RERE: variants seen among roughly 807,000 people sequenced by gnomAD.
RERE encodes arginine-glutamic acid dipeptide repeats.
In RERE, 40 loss-of-function variants were observed where a neutral mutation model predicts 146.1. The observed-to-expected ratio is 0.27, with a 90% confidence interval of 0.21 to 0.36. RERE has a LOEUF of 0.36. Ranked by LOEUF, RERE falls within the 10% of genes least tolerant of loss-of-function variation. The pLI is 1.00. For missense variants in RERE, 1,933 were observed against 2,138.7 expected, an observed-to-expected ratio of 0.90 and a Z score of 1.90; for synonymous variants, 1,003 against 866.0, an observed-to-expected ratio of 1.16 and a Z score of -2.78.
At chr1:8,412,449 G>C (rs1643640814) in intron 12 of RERE, among the ~76,000 whole-genome samples, 1 of 152,128 alleles carries the variant, frequency 6.6e-6, no homozygotes, top group African/African-American at 2.4e-5. Context: ...CAGAGATCTG[G>C]CACCACTAAA....
intron 1 of RERE, among the ~76,000 whole-genome samples, chr1:8,698,906 T>G (rs1639391241): frequency 6.6e-6 from 1 of 152,140 alleles, no homozygotes; most frequent in African/African-American, 2.4e-5. Flanking sequence ...TACTCTAAAA[T>G]TAAATGTTTT....
At chr1:8,600,275 A>C (rs1646605842) in intron 4 of RERE, among the ~76,000 whole-genome samples, 1 of 152,206 alleles carries the variant, frequency 6.6e-6, no homozygotes, top group Non-Finnish European at 1.5e-5. Context: ...CGTATGTCTT[A>C]ATTAGTGGCC....
intron 1 of RERE, among the ~76,000 whole-genome samples, chr1:8,739,844 TATTA>T (rs575310959): frequency 5.5e-4 from 83 of 149,676 alleles, no homozygotes; most frequent in South Asian, 1.5e-3. Context: ...AATACTGATA[TATTA>T]ATTAATTATA....
chr1:8,497,567 G>A (rs1645062006), intron 8 of RERE, 38 bp from the exon 9 acceptor site: 1 of 1,610,084 alleles, frequency 6.2e-7, no homozygotes, highest in Non-Finnish European at 8.5e-7. Context: ...ATCAAGGCAT[G>A]TATTAATTAT....
At chr1:8,653,445 C>T (rs905207830) in intron 2 of RERE, among the ~76,000 whole-genome samples, 2 of 152,112 alleles carry the variant, frequency 1.3e-5, no homozygotes, top group Admixed American at 1.3e-4. Context: ...CGATGGCTCA[C>T]GCCTGTAATC....
intron 7 of RERE, chr1:8,512,591 G>T: frequency 6.6e-6 from 1 of 152,314 alleles, no homozygotes; most frequent in Non-Finnish European, 1.5e-5. Flanking sequence ...CTTCTTCTCG[G>T]CCATATCCTG....
chr1:8,498,822 C>T (rs1331977186), intron 8 of RERE, among the ~76,000 whole-genome samples: 2 of 144,372 alleles, frequency 1.4e-5, no homozygotes, highest in East Asian at 2.1e-4. Context: ...GATTTCTTTA[C>T]GAAAGAAGGA....
chr1:8,774,347 ATTTT>A (rs34859762), intron 1 of RERE, among the ~76,000 whole-genome samples: 29 of 93,166 alleles, frequency 3.1e-4, no homozygotes, highest in Middle Eastern at 7.2e-3. Context: ...TTGGCAAACT[ATTTT>A]TTTTTTTTTT....
intron 1 of RERE, among the ~76,000 whole-genome samples, chr1:8,758,370 C>T (rs1280107660): frequency 6.0e-5 from 9 of 150,978 alleles, no homozygotes; most frequent in Non-Finnish European, 8.8e-5. Flanking sequence ...TGTGAGCCAC[C>T]GTGCCTGGCC....
chr1:8,601,816 C>G (rs550104140), intron 4 of RERE, among the ~76,000 whole-genome samples: 1 of 151,588 alleles, frequency 6.6e-6, no homozygotes, highest in Non-Finnish European at 1.5e-5. Context: ...TAGAGAGAAC[C>G]GAAGGCATTT....
intron 12 of RERE, among the ~76,000 whole-genome samples, chr1:8,385,995 TATA>T (rs1557603039): frequency 4.0e-5 from 1 of 25,228 alleles, no homozygotes; most frequent in Non-Finnish European, 7.0e-5. Context: ...AAAAAAAAAA[TATA>T]TATATATATA....
In RERE at chr1:8,601,736, A is replaced by AACACACACACAC. The variant is rs3082091; in HGVS notation, c.522+12813_522+12824dup. 7.0e-4 allele frequency among the ~76,000 whole-genome samples: 99 copies of AACACACACACAC among 140,892 alleles called. 2 individuals carry two copies. The highest frequency in any genetic ancestry group is 3.3e-3 in the South Asian group (14 of 4,242). 92.4% of individuals were successfully genotyped at this position (140,892 alleles called of 152,430 possible). ...CCCAACTGCCATCATGTCCAAGGTCAACACACACACACACACACACACACA... is the reference window on the plus strand; with the variant it reads ...CCCAACTGCCATCATGTCCAAGGTCAACACACACACACACACACACACACACACACACACACA... On this transcript the variant is annotated intron_variant, in intron 4 of 22. Coordinates refer to ENST00000400908, the MANE Select transcript of RERE (RefSeq NM_001042681.2).
intron 1 of RERE, among the ~76,000 whole-genome samples, chr1:8,803,696 G>C (rs1010838115): frequency 6.6e-6 from 1 of 151,072 alleles, no homozygotes; most frequent in Non-Finnish European, 1.5e-5. Context: ...GCGAGTAGCT[G>C]AGACTACAGG....
In RERE at chr1:8,734,930, G is replaced by A. The variant is rs181680582; in HGVS notation, c.-144-78489C>T. On this transcript the variant is annotated intron_variant, in intron 1 of 22. Transcript: ENST00000400908. ...TTCTCTGATTTCCCTTTTACTTACC[G>A]CATCCCTCATAGACACACCTACAGA... 2.1e-3 allele frequency among the ~76,000 whole-genome samples: 317 copies of A among 151,876 alleles called. 1 individual carries two copies. The highest frequency in any genetic ancestry group is 6.0e-3 in the Admixed American group (91 of 15,246).
At chr1:8,558,560 T>C (rs1393616278) in intron 4 of RERE, among the ~76,000 whole-genome samples, 1 of 152,128 alleles carries the variant, frequency 6.6e-6, no homozygotes, top group African/African-American at 2.4e-5. Context: ...CTCATGTTTA[T>C]AAAGGGGATG....
intron 1 of RERE, among the ~76,000 whole-genome samples, chr1:8,787,694 C>A (rs529105893): frequency 6.6e-6 from 1 of 151,408 alleles, no homozygotes; most frequent in African/African-American, 2.4e-5. Flanking sequence ...AGCCAGGCGT[C>A]GTGGTGGGTG....
At chr1:8,707,068 G>T (rs1639573386) in intron 1 of RERE, among the ~76,000 whole-genome samples, 1 of 152,130 alleles carries the variant, frequency 6.6e-6, no homozygotes, top group Non-Finnish European at 1.5e-5. Flanking sequence ...CTGCACCATT[G>T]CTTCTTTTTG....
intron 1 of RERE, among the ~76,000 whole-genome samples, chr1:8,794,627 T>C (rs1186987930): frequency 6.6e-6 from 1 of 152,074 alleles, no homozygotes; most frequent in Non-Finnish European, 1.5e-5. Context: ...CCCAGCAAGA[T>C]GGCTCATGCC....
intron 1 of RERE, among the ~76,000 whole-genome samples, chr1:8,674,770 A>G (rs894406543): frequency 6.6e-6 from 1 of 152,242 alleles, no homozygotes; most frequent in Non-Finnish European, 1.5e-5. Context: ...TTTTACAAGC[A>G]AAGTAATCAT....
Sources: gnomAD v4.1 joint callset for allele counts (sites outside exome capture counted in the v4.1 genomes callset) on GRCh38, gnomAD v4.1.1 for gene constraint, MANE v1.5 for transcripts, NCBI Gene and HGNC (gene_info 2026-07-23, HGNC 2026-07-21) for gene names.